The following KAT14 variants were observed in gnomAD, a reference collection of about 807,000 sequenced individuals.
The protein encoded by KAT14 is lysine acetyltransferase 14.
A neutral mutation model predicts 78.4 loss-of-function variants in KAT14; 66 were observed. The ratio of observed to expected loss-of-function variants is 0.84; its 90% CI spans 0.69 to 1.03. KAT14 has a LOEUF of 1.03. Ranked by LOEUF, KAT14 falls within the 50% of genes least tolerant of loss-of-function variation. The pLI, the probability that KAT14 is intolerant of heterozygous loss-of-function variation, is 0.00. For synonymous variants in KAT14, 344 were observed against 359.4 expected (o/e 0.96, Z 0.48); for missense variants, 870 against 972.5 (o/e 0.89, Z 1.40).
Position 18,162,103 on chromosome 20 carries a change from G to A in KAT14, c.963G>A (p.Pro321=), listed in dbSNP as rs147829754. The stretch of plus-strand genomic sequence containing the variant: ...CCTTGAGCTCCTCTGACCGCACCCC[G>A]CTGACAAGCCCATCTCCTTCTCCTT... ...FSSLSSSDRT[P]LTSPSPSPSL... is the part of the protein sequence containing the mutation. Residue 321 remains proline, a synonymous_variant, in exon 6 of 11, where the codon CCG becomes CCA. Transcript: ENST00000688188. 82 of 1,614,162 alleles carry A rather than the reference G, an allele frequency of 5.1e-5. 1 individual carries two copies. The highest frequency in any genetic ancestry group is 2.5e-4 in the African/African-American group (19 of 75,042).
chr20:18,152,525 T>G (rs563183751), intron 4 of KAT14, among the ~76,000 whole-genome samples: 1 of 152,194 alleles, frequency 6.6e-6, no homozygotes, highest in South Asian at 2.1e-4. Flanking sequence ...TACAGTGAGC[T>G]GAGATGGGGC....
chr20:18,187,801 A>T lies in KAT14; in HGVS notation c.*342A>T. The stretch of plus-strand genomic sequence containing the variant: ...GGAGAGAGATAACCTGTCTGTCATA[A>T]CTTAAAGGATGAGAAAATGTGGTGT... On this transcript the variant is annotated 3_prime_UTR_variant, in exon 11 of 11. Coordinates refer to ENST00000688188, the MANE Select transcript of KAT14 (RefSeq NM_001392073.1). 1.7e-5 allele frequency: 5 copies of T among 295,516 alleles called. No homozygotes were observed. The South Asian group carries it at 1.9e-4, about 11-fold the overall frequency. 18.3% of individuals were successfully genotyped at this position (295,516 alleles called of 1,614,324 possible). A position where few individuals can be genotyped will look rare whatever the true frequency, so the allele number is the denominator to read the frequency against.
intron 10 of KAT14, 90 bp downstream of exon 10, chr20:18,184,882 G>A: frequency 7.3e-7 from 1 of 1,366,426 alleles, no homozygotes; most frequent in Non-Finnish European, 9.7e-7. Flanking sequence ...GCCCTTCCCA[G>A]CATGGCCCAA....
rs2037612852 is a variant in KAT14, at chr20:18,142,190, T to C, written c.-453-18T>C. 3.9e-6 allele frequency: 6 copies of C among 1,534,548 alleles called. No homozygotes were observed. In the East Asian group the frequency reaches 1.5e-4, roughly 38 times the overall value. On this transcript the variant is annotated intron_variant, in intron 1 of 10. Coordinates refer to ENST00000688188, the MANE Select transcript of KAT14 (RefSeq NM_001392073.1). Reference sequence around the variant, plus strand: ...ACCTGTTCGGGATGTTACTGAAATCTGTTTCTTACGTTTTTAGAGGCTTCG... The same window carrying C: ...ACCTGTTCGGGATGTTACTGAAATCCGTTTCTTACGTTTTTAGAGGCTTCG...
At chr20:18,170,569 C>G (rs571482408) in intron 7 of KAT14, among the ~76,000 whole-genome samples, 5 of 152,358 alleles carry the variant, frequency 3.3e-5, no homozygotes, top group South Asian at 2.1e-4. Flanking sequence ...GAGTCTTGCT[C>G]TGTCGCCCAG....
At chr20:18,169,982 C>T (rs1200047825) in intron 7 of KAT14, among the ~76,000 whole-genome samples, 1 of 152,188 alleles carries the variant, frequency 6.6e-6, no homozygotes, top group African/African-American at 2.4e-5. Context: ...AAAGCCTAAT[C>T]CAGAGTAAGG....
At chr20:18,165,983 C>T (rs1299379592) in intron 7 of KAT14, among the ~76,000 whole-genome samples, 3 of 152,116 alleles carry the variant, frequency 2.0e-5, no homozygotes, top group East Asian at 3.9e-4. Flanking sequence ...TGGGCCACGA[C>T]GCCATAGGTT....
At chr20:18,184,503 T>TTA in intron 9 of KAT14, 99 bp from the exon 10 acceptor site, 1 of 1,060,474 alleles carries the variant, frequency 9.4e-7, no homozygotes, top group Non-Finnish European at 1.3e-6. Flanking sequence ...TTTTTTTTTT[T>TTA]AGCATGCAGG....
intron 7 of KAT14, among the ~76,000 whole-genome samples, chr20:18,165,082 G>A (rs2038592314): frequency 2.0e-5 from 3 of 152,134 alleles, no homozygotes; most frequent in African/African-American, 7.2e-5. Context: ...TTCATCTCCT[G>A]GATAAAGAGT....
chr20:18,161,752 A>G (rs1206158881), intron 5 of KAT14, 71 bp from the exon 6 acceptor site: 8 of 1,534,646 alleles, frequency 5.2e-6, no homozygotes, highest in South Asian at 1.3e-5. Flanking sequence ...AACATCTGAA[A>G]TCCAAAACAT....
chr20:18,160,108 C>T (rs756288227), intron 5 of KAT14, among the ~76,000 whole-genome samples: 5 of 152,190 alleles, frequency 3.3e-5, no homozygotes, highest in Non-Finnish European at 5.9e-5. Flanking sequence ...GCCATGTTGG[C>T]CAGGCTGATC....
At chr20:18,181,264 C>T (rs1358725448) in intron 7 of KAT14, among the ~76,000 whole-genome samples, 2 of 151,448 alleles carry the variant, frequency 1.3e-5, no homozygotes, top group African/African-American at 4.9e-5. Context: ...GAAGTTTGAG[C>T]TTTCCAAATA....
chr20:18,137,274 CAG>C (rs1302128831), upstream of KAT14, among the ~76,000 whole-genome samples: 1 of 149,918 alleles, frequency 6.7e-6, no homozygotes, highest in Non-Finnish European at 1.5e-5. Flanking sequence ...GGGCGATAGA[CAG>C]AGACTCTGTA....
intron 2 of KAT14, among the ~76,000 whole-genome samples, chr20:18,143,615 A>ATTTTTTTTTTTTTTTTT (rs201858697): frequency 9.6e-6 from 1 of 103,998 alleles, no homozygotes. Flanking sequence ...CACCTGGCTA[A>ATTTTTTTTTTTTTTTTT]TTTTTTTTTT....
chr20:18,141,403 A>G (rs2037572296), intron 1 of KAT14, among the ~76,000 whole-genome samples: 1 of 152,086 alleles, frequency 6.6e-6, no homozygotes, highest in Admixed American at 6.6e-5. Flanking sequence ...TAATTAATTA[A>G]TAATTCTGCA....
intron 4 of KAT14, among the ~76,000 whole-genome samples, chr20:18,158,239 G>C (rs540519661): frequency 6.6e-6 from 1 of 152,208 alleles, no homozygotes; most frequent in East Asian, 1.9e-4. Flanking sequence ...CCCAGCCTCA[G>C]ATAGTGCTTA....
chr20:18,148,480 A>T lies in KAT14; in HGVS notation c.379-2341A>T, dbSNP rs559163521. On this transcript the variant is annotated intron_variant, in intron 3 of 10. Transcript: ENST00000688188. The stretch of plus-strand genomic sequence containing the variant: ...GCTTGTTATTTTTCTAGTGTTCTTC[A>T]GCATATACTGAGTACCTGCCAGCTC... Among the ~76,000 whole-genome samples the T allele has an allele frequency of 2.6e-5, 4 of 152,282 alleles. No homozygotes were observed. In the South Asian group the frequency reaches 6.2e-4, roughly 24 times the overall value.
chr20:18,178,803 C>T (rs1346886591), intron 7 of KAT14, among the ~76,000 whole-genome samples: 3 of 152,154 alleles, frequency 2.0e-5, no homozygotes, highest in African/African-American at 7.2e-5. Flanking sequence ...ACCAATCATG[C>T]CTTCCCAACA....
Position 18,181,851 on chromosome 20 carries a change from A to C in KAT14, c.1805+5A>C. On this transcript the variant is annotated splice_donor_5th_base_variant and intron_variant, in intron 8 of 10. Transcript: ENST00000688188. ...GATCTTGAAACCTTATATCAGGTATATGGAGAACTAGAGGTGTGATGTCAG... is the reference window on the plus strand; with the variant it reads ...GATCTTGAAACCTTATATCAGGTATCTGGAGAACTAGAGGTGTGATGTCAG... 6.2e-7 allele frequency: 1 copy of C among 1,613,888 alleles called. No individual in the cohort carries two copies. The highest frequency in any genetic ancestry group is 1.7e-5 in the Admixed American group (1 of 60,010).
Sources: gnomAD v4.1 joint callset for allele counts (sites outside exome capture counted in the v4.1 genomes callset) on GRCh38, gnomAD v4.1.1 for gene constraint, MANE v1.5 for transcripts, NCBI Gene and HGNC (gene_info 2026-07-23, HGNC 2026-07-21) for gene names.